STAG1: variants seen among roughly 807,000 people sequenced by gnomAD.
STAG1 encodes cohesin subunit SA-1.
Under a neutral mutation model 170.9 loss-of-function variants are expected in STAG1, and 26 were observed. The ratio of observed to expected loss-of-function variants is 0.15; its 90% CI spans 0.11 to 0.21. STAG1 has a LOEUF of 0.21. STAG1 is among the 10% of genes least tolerant of loss of function. STAG1 has a pLI of 1.00. For synonymous variants in STAG1, 514 were observed against 497.7 expected (o/e 1.03, Z -0.44); for missense variants, 964 against 1,509.5 (o/e 0.64, Z 5.99).
Position 136,696,951 on chromosome 3 carries a change from G to A in STAG1, c.-84+55244C>T, listed in dbSNP as rs78194336. Among the ~76,000 whole-genome samples, 508 of 152,184 alleles carry A rather than the reference G, an allele frequency of 3.3e-3. 3 individuals are homozygous for A. The highest frequency in any genetic ancestry group is 0.011 in the African/African-American group (467 of 41,534). Reference sequence around the variant, plus strand: ...TTGATTCTGTTGATGGTTGCACAACGGATGCACATGAAACTCATGAAACTG... The same window carrying A: ...TTGATTCTGTTGATGGTTGCACAACAGATGCACATGAAACTCATGAAACTG... On this transcript the variant is annotated intron_variant, in intron 1 of 33. Transcript: ENST00000383202.
At chr3:136,503,893 G>A (rs887458944) in intron 7 of STAG1, among the ~76,000 whole-genome samples, 25 of 151,924 alleles carry the variant, frequency 1.6e-4, no homozygotes, top group African/African-American at 4.8e-4. Flanking sequence ...GCACCACCAC[G>A]CCCAGCTAAT....
chr3:136,506,359 G>A, intron 7 of STAG1, among the ~76,000 whole-genome samples: 1 of 151,938 alleles, frequency 6.6e-6, no homozygotes. Flanking sequence ...GGCCAGGCGA[G>A]GGGGCTCACG....
chr3:136,579,480 G>A (rs1016246153), intron 4 of STAG1, among the ~76,000 whole-genome samples: 3 of 152,162 alleles, frequency 2.0e-5, no homozygotes, highest in Non-Finnish European at 4.4e-5. Context: ...GGGAAGAAGC[G>A]ATTTCTAAGC....
At chr3:136,709,381 A>G (rs1943322453) in intron 1 of STAG1, among the ~76,000 whole-genome samples, 1 of 152,172 alleles carries the variant, frequency 6.6e-6, no homozygotes, top group African/African-American at 2.4e-5. Flanking sequence ...TTATATAGGA[A>G]AGCAGGTTAC....
intron 1 of STAG1, among the ~76,000 whole-genome samples, chr3:136,649,969 G>A (rs990510618): frequency 5.9e-5 from 9 of 151,920 alleles, no homozygotes; most frequent in South Asian, 2.1e-4. Flanking sequence ...GGGTTTCACC[G>A]TGTCAGCCAA....
intron 1 of STAG1, among the ~76,000 whole-genome samples, chr3:136,751,289 G>T (rs1473362906): frequency 6.6e-6 from 1 of 151,322 alleles, no homozygotes; most frequent in African/African-American, 2.4e-5. Context: ...TTTCAAATGT[G>T]GGTAGATGGG....
At chr3:136,651,773 C>A (rs1368855794) in intron 1 of STAG1, among the ~76,000 whole-genome samples, 1 of 152,090 alleles carries the variant, frequency 6.6e-6, no homozygotes, top group Non-Finnish European at 1.5e-5. Flanking sequence ...GAACGCTGCC[C>A]AATTATCAAG....
At chr3:136,732,237 T>TAAAAAAAAAAAAAAAAAAAAAAAAAAA in intron 1 of STAG1, among the ~76,000 whole-genome samples, 1 of 85,758 alleles carries the variant, frequency 1.2e-5, no homozygotes, top group Non-Finnish European at 2.4e-5. Flanking sequence ...TATCCACAAC[T>TAAAAAAAAAAAAAAAAAAAAAAAAAAA]AAAAAAAAAA....
intron 4 of STAG1, among the ~76,000 whole-genome samples, chr3:136,571,868 G>A (rs1445206876): frequency 6.6e-6 from 1 of 152,116 alleles, no homozygotes; most frequent in Middle Eastern, 3.4e-3. Context: ...CTGCGCAACA[G>A]AGTGAAACCC....
intron 4 of STAG1, among the ~76,000 whole-genome samples, chr3:136,570,189 C>T (rs1383146478): frequency 6.6e-6 from 1 of 152,130 alleles, no homozygotes; most frequent in Non-Finnish European, 1.5e-5. Context: ...AAAACAGGCT[C>T]CCTTATGTTG....
intron 6 of STAG1, among the ~76,000 whole-genome samples, chr3:136,534,240 G>A (rs780448698): frequency 5.3e-5 from 8 of 151,954 alleles, no homozygotes; most frequent in Non-Finnish European, 8.8e-5. Flanking sequence ...TATCTCTCAC[G>A]TTATATAAAA....
At chr3:136,646,791 A>T (rs2107851725) in intron 1 of STAG1, among the ~76,000 whole-genome samples, 1 of 152,210 alleles carries the variant, frequency 6.6e-6, no homozygotes, top group East Asian at 1.9e-4. Flanking sequence ...CTGTAATCCC[A>T]GCTACTCGGG....
intron 15 of STAG1, among the ~76,000 whole-genome samples, chr3:136,442,508 T>G (rs1403401487): frequency 6.6e-6 from 1 of 152,236 alleles, no homozygotes; most frequent in African/African-American, 2.4e-5. Context: ...AATTATCATG[T>G]GGCTCTTATG....
chr3:136,338,976 T>C (rs982971976), intron 32 of STAG1, among the ~76,000 whole-genome samples: 4 of 152,184 alleles, frequency 2.6e-5, no homozygotes, highest in Non-Finnish European at 4.4e-5. Flanking sequence ...CCCTTCAAAA[T>C]GTGCATGATG....
At chr3:136,437,613 T>A (rs1399488252) in intron 15 of STAG1, among the ~76,000 whole-genome samples, 1 of 152,232 alleles carries the variant, frequency 6.6e-6, no homozygotes, top group East Asian at 1.9e-4. Context: ...TATCATTGAA[T>A]CATGCTTTAA....
chr3:136,614,169 T>C (rs1403567650), intron 3 of STAG1, among the ~76,000 whole-genome samples: 1 of 152,152 alleles, frequency 6.6e-6, no homozygotes, highest in Non-Finnish European at 1.5e-5. Context: ...TGAGCCAAGA[T>C]TGTGCCACTG....
intron 12 of STAG1, among the ~76,000 whole-genome samples, chr3:136,466,006 G>A (rs917240221): frequency 6.6e-6 from 1 of 152,014 alleles, no homozygotes; most frequent in African/African-American, 2.4e-5. Context: ...CCATCTGTAC[G>A]TCACCATCAT....
chr3:136,365,856 C>T (rs938412946), intron 25 of STAG1, among the ~76,000 whole-genome samples: 1 of 151,626 alleles, frequency 6.6e-6, no homozygotes, highest in African/African-American at 2.4e-5. Flanking sequence ...TTCATGATTT[C>T]TTTTTGGATT....
intron 3 of STAG1, among the ~76,000 whole-genome samples, chr3:136,619,424 G>T (rs1053428288): frequency 6.6e-6 from 1 of 151,504 alleles, no homozygotes; most frequent in East Asian, 1.9e-4. Context: ...GGGGAAAACA[G>T]TTAAGTCATA....
Sources: allele counts gnomAD v4.1 joint callset (sites outside exome capture counted in the v4.1 genomes callset), GRCh38; gene constraint gnomAD v4.1.1; transcripts MANE v1.5; gene names NCBI Gene and HGNC (gene_info 2026-07-23, HGNC 2026-07-21).